CSMD1: variants seen among roughly 807,000 people sequenced by gnomAD.
CSMD1 encodes the protein CUB and sushi domain-containing protein 1.
Under a neutral mutation model 417.5 loss-of-function variants are expected in CSMD1, and 213 were observed. The ratio of observed to expected loss-of-function variants is 0.51; its 90% CI spans 0.46 to 0.57. The LOEUF is 0.57. Ranked by LOEUF, CSMD1 falls within the 20% of genes least tolerant of loss-of-function variation. The probability of loss-of-function intolerance (pLI) is 0.00; values close to 1 mark genes in which losing one functional copy is unlikely to be tolerated. For missense variants in CSMD1, 6,923 were observed against 4,529.7 expected (o/e 1.53, Z -15.17); for synonymous variants, 2,862 against 1,736.8 (o/e 1.65, Z -16.11).
intron 10 of CSMD1, among the ~76,000 whole-genome samples, chr8:3,534,893 G>A (rs1377341786): frequency 6.6e-6 from 1 of 152,168 alleles, no homozygotes; most frequent in African/African-American, 2.4e-5. Context: ...TGGTACAAAT[G>A]GTTTAGTCCA....
chr8:4,299,121 C>T (rs1797843814), intron 3 of CSMD1, among the ~76,000 whole-genome samples: 2 of 152,028 alleles, frequency 1.3e-5, no homozygotes, highest in South Asian at 4.2e-4. Flanking sequence ...ATACAGAAAA[C>T]ATTAAAAGAT....
At chr8:4,295,841 T>A (rs1330050772) in intron 3 of CSMD1, among the ~76,000 whole-genome samples, 2 of 147,334 alleles carry the variant, frequency 1.4e-5, no homozygotes, top group African/African-American at 2.5e-5. Flanking sequence ...TATGCAAATT[T>A]CAGATTTCTT....
In CSMD1 at chr8:3,555,006, G is replaced by A. The variant is rs151008798; in HGVS notation, c.1344+19939C>T. Among the ~76,000 whole-genome samples, 503 of 152,206 alleles carry A rather than the reference G, an allele frequency of 3.3e-3. 7 individuals carry two copies. In the East Asian group the frequency reaches 0.063, roughly 19 times the overall value. On this transcript the variant is annotated intron_variant, in intron 10 of 69. Transcript: ENST00000635120. ...AGAAGCAGGAAACACCACATAAGCT[G>A]AGGAGGAAGGGAAGAAGACTGTGCG...
intron 54 of CSMD1, among the ~76,000 whole-genome samples, chr8:2,996,459 C>T (rs1563218313): frequency 1.3e-5 from 2 of 152,210 alleles, no homozygotes; most frequent in African/African-American, 2.4e-5. Flanking sequence ...AATGCACGCA[C>T]ACACGATTGT....
Position 3,048,047 on chromosome 8 carries a change from C to T in CSMD1, c.7660+4415G>A, listed in dbSNP as rs554670837. ...AATCCTTAAAGAAATCTAAGGGTAA[C>T]ACATCATTGCTTACAATAAAATTTC... On this transcript the variant is annotated intron_variant, in intron 50 of 69. Coordinates refer to ENST00000635120, the MANE Select transcript of CSMD1 (RefSeq NM_033225.6). Among the ~76,000 whole-genome samples, 5 of 152,236 alleles carry T rather than the reference C, an allele frequency of 3.3e-5. No homozygotes were observed. The East Asian group carries it at 7.7e-4, about 24-fold the overall frequency.
At chr8:3,676,466 T>C (rs1449255666) in intron 7 of CSMD1, among the ~76,000 whole-genome samples, 1 of 152,226 alleles carries the variant, frequency 6.6e-6, no homozygotes. Flanking sequence ...TTATTACATG[T>C]TATATTGTAT....
chr8:4,517,279 G>C (rs1170834043), intron 2 of CSMD1, among the ~76,000 whole-genome samples: 1 of 152,172 alleles, frequency 6.6e-6, no homozygotes, highest in Admixed American at 6.5e-5. Context: ...GACTAACGTA[G>C]TGATAAAAGC....
At chr8:4,024,677 A>G (rs540586918) in intron 4 of CSMD1, among the ~76,000 whole-genome samples, 81 of 152,308 alleles carry the variant, frequency 5.3e-4, no homozygotes, top group Admixed American at 2.0e-4. Context: ...GAGACACTGC[A>G]TAAATGTGAC....
intron 3 of CSMD1, among the ~76,000 whole-genome samples, chr8:4,318,463 A>G (rs1799065244): frequency 6.6e-6 from 1 of 152,156 alleles, no homozygotes; most frequent in Admixed American, 6.6e-5. Flanking sequence ...AAAGGTCATT[A>G]GCAAGTAATG....
chr8:2,972,994 A>G (rs1804594317), intron 57 of CSMD1, 123 bp downstream of exon 57: 1 of 938,228 alleles, frequency 1.1e-6, no homozygotes. Flanking sequence ...TATTGCGGGG[A>G]AAAGATTTAA....
chr8:3,188,507 A>G (rs547866752), intron 35 of CSMD1, among the ~76,000 whole-genome samples: 4 of 151,860 alleles, frequency 2.6e-5, no homozygotes, highest in East Asian at 3.9e-4. Flanking sequence ...GGGTTTCACC[A>G]TGTTGGCCAG....
chr8:4,190,160 G>A (rs767230645), intron 3 of CSMD1, among the ~76,000 whole-genome samples: 4 of 150,674 alleles, frequency 2.7e-5, no homozygotes, highest in Non-Finnish European at 4.4e-5. Context: ...TCAGGAGGCT[G>A]AGGCAAGAGA....
chr8:4,008,546 T>C (rs1245011370), intron 4 of CSMD1, among the ~76,000 whole-genome samples: 1 of 151,210 alleles, frequency 6.6e-6, no homozygotes, highest in African/African-American at 2.4e-5. Context: ...AGATAAATAC[T>C]TGATTGTTAA....
At chr8:3,881,264 CT>C (rs5888997) in intron 5 of CSMD1, among the ~76,000 whole-genome samples, 3 of 146,604 alleles carry the variant, frequency 2.0e-5, no homozygotes, top group South Asian at 2.1e-4. Flanking sequence ...TTGTTTTTTG[CT>C]TTTTTTTTTC....
chr8:3,637,752 A>G (rs1292363931), intron 7 of CSMD1, among the ~76,000 whole-genome samples: 2 of 152,180 alleles, frequency 1.3e-5, no homozygotes, highest in Non-Finnish European at 2.9e-5. Context: ...CCCAAATCTC[A>G]TCTTGAATTG....
At chr8:3,027,941 CT>C (rs1563253892) in intron 51 of CSMD1, among the ~76,000 whole-genome samples, 1 of 152,212 alleles carries the variant, frequency 6.6e-6, no homozygotes, top group African/African-American at 2.4e-5. Context: ...AGGCTCTCCA[CT>C]GTACGTGAAA....
At chr8:4,568,618 T>A (rs1798733724) in intron 2 of CSMD1, among the ~76,000 whole-genome samples, 1 of 152,158 alleles carries the variant, frequency 6.6e-6, no homozygotes, top group Non-Finnish European at 1.5e-5. Flanking sequence ...AGATGTATAA[T>A]CCTATGGGTA....
At chr8:3,689,494 T>A (rs958257329) in intron 7 of CSMD1, among the ~76,000 whole-genome samples, 9 of 152,216 alleles carry the variant, frequency 5.9e-5, no homozygotes, top group Admixed American at 1.3e-4. Context: ...GTGTTTTTAT[T>A]CTCACTCTGC....
intron 4 of CSMD1, among the ~76,000 whole-genome samples, chr8:4,015,963 GGA>G (rs1371706342): frequency 6.6e-6 from 1 of 152,138 alleles, no homozygotes; most frequent in Non-Finnish European, 1.5e-5. Flanking sequence ...GGTTGCCGTT[GGA>G]GGGAAATGTA....
Sources: allele counts gnomAD v4.1 joint callset (sites outside exome capture counted in the v4.1 genomes callset), GRCh38; gene constraint gnomAD v4.1.1; transcripts MANE v1.5; gene names NCBI Gene and HGNC (gene_info 2026-07-23, HGNC 2026-07-21).